The following NGEF variants were observed in gnomAD, a reference collection of about 807,000 sequenced individuals.
NGEF encodes the protein neuronal guanine nucleotide exchange factor.
NGEF carries 31 observed loss-of-function variants against 80.9 expected under a neutral mutation model. The observed-to-expected ratio is 0.38, with a 90% CI of 0.29 to 0.52. NGEF has a LOEUF of 0.52. Among genes scored for constraint, NGEF ranks in the 20% least tolerant of loss-of-function variants. The pLI is 0.84. For missense variants in NGEF, 709 were observed against 926.2 expected (o/e 0.77, Z 3.04); for synonymous variants, 371 against 370.2 (o/e 1.00, Z -0.03).
chr2:233,003,234 G>T (rs1407307958), intron 1 of NGEF, among the ~76,000 whole-genome samples: 1 of 152,190 alleles, frequency 6.6e-6, no homozygotes, highest in African/African-American at 2.4e-5. Flanking sequence ...CCCAAGGAAG[G>T]CCTCTGGGAC....
At chr2:233,001,490 AG>A (rs1403881496) in intron 1 of NGEF, among the ~76,000 whole-genome samples, 2 of 152,142 alleles carry the variant, frequency 1.3e-5, no homozygotes, top group Non-Finnish European at 2.9e-5. Context: ...GGAGGGATTC[AG>A]GCATGTAGAG....
intron 8 of NGEF, among the ~76,000 whole-genome samples, chr2:232,888,336 TGATGCACAC>T (rs1434740915): frequency 6.6e-6 from 1 of 150,674 alleles, no homozygotes; most frequent in Non-Finnish European, 1.5e-5. Context: ...ACCATGCACA[TGATGCACAC>T]CTGCAAGCAG....
In NGEF at chr2:232,879,412, T is replaced by G; in HGVS notation, c.*77A>C. On this transcript the variant is annotated 3_prime_UTR_variant, in exon 15 of 15. Coordinates refer to ENST00000264051, the MANE Select transcript of NGEF (RefSeq NM_019850.3). ...CACCTGGGGAGGTGCTGGCCTGTGC[T>G]TCCCAGAGCCCCCCCCCCCCCACCT... The G allele has an allele frequency of 7.1e-7, 1 of 1,404,574 alleles. No homozygotes were observed. Among genetic ancestry groups the G allele is most frequent in the Non-Finnish European group, 9.5e-7 (1 of 1,051,724 alleles). The allele number at this position is 1,404,574 out of a possible 1,614,324, so 87.0% of individuals were successfully genotyped here.
Position 232,923,101 on chromosome 2 carries a change from A to G in NGEF, c.527-2516T>C, listed in dbSNP as rs139252486. On this transcript the variant is annotated intron_variant, in intron 4 of 14. Transcript: ENST00000264051. ...AAAAAACAAAAAACAAACAACAACA[A>G]CAACAACAAAAAAGCAGTTTCCAAG... is the stretch of plus-strand genomic sequence containing the variant. Among the ~76,000 whole-genome samples, 1,247 of 152,160 alleles carry G rather than the reference A, an allele frequency of 8.2e-3. 29 individuals are homozygous for G. The highest frequency in any genetic ancestry group is 0.05 in the Admixed American group (771 of 15,296).
At chr2:232,926,926 A>C in intron 4 of NGEF, 118 bp downstream of exon 4, 1 of 1,318,626 alleles carries the variant, frequency 7.6e-7, no homozygotes, top group Non-Finnish European at 1.1e-6. Context: ...TTCCTTACCC[A>C]TGTCAGACGC....
intron 5 of NGEF, among the ~76,000 whole-genome samples, chr2:232,898,673 T>C (rs1045879535): frequency 7.2e-5 from 11 of 152,246 alleles, no homozygotes; most frequent in African/African-American, 2.7e-4. Context: ...CATTCACTCG[T>C]TCGTTCCTTC....
intron 5 of NGEF, among the ~76,000 whole-genome samples, chr2:232,913,433 T>A (rs1279695748): frequency 6.6e-6 from 1 of 152,202 alleles, no homozygotes; most frequent in Non-Finnish European, 1.5e-5. Context: ...TTGAAAACAA[T>A]GTGTAATCTG....
chr2:232,944,366 A>G (rs957165525), intron 3 of NGEF, among the ~76,000 whole-genome samples: 1 of 152,216 alleles, frequency 6.6e-6, no homozygotes, highest in African/African-American at 2.4e-5. Context: ...GCACAAGGTT[A>G]TTCATTGTGG....
intron 1 of NGEF, among the ~76,000 whole-genome samples, chr2:232,983,230 T>G (rs1230487791): frequency 1.3e-5 from 2 of 150,448 alleles, no homozygotes; most frequent in Admixed American, 1.3e-4. Context: ...AAGGGAAACT[T>G]GGAGCAAGGC....
chr2:232,964,379 A>C (rs1262775785), intron 3 of NGEF, among the ~76,000 whole-genome samples: 2 of 152,188 alleles, frequency 1.3e-5, no homozygotes, highest in Non-Finnish European at 2.9e-5. Flanking sequence ...AAATTGTGGC[A>C]ATACCTCTCA....
At chr2:232,896,998 G>A (rs866890996) in intron 5 of NGEF, among the ~76,000 whole-genome samples, 11 of 127,922 alleles carry the variant, frequency 8.6e-5, no homozygotes, top group South Asian at 5.4e-4. Flanking sequence ...AGGTAGGGGT[G>A]CGGGTGAGGG....
intron 1 of NGEF, among the ~76,000 whole-genome samples, chr2:233,005,177 T>A (rs1157287715): frequency 6.6e-6 from 1 of 152,190 alleles, no homozygotes; most frequent in Non-Finnish European, 1.5e-5. Context: ...CAATGTGCCA[T>A]TTCTGGGATA....
intron 1 of NGEF, among the ~76,000 whole-genome samples, chr2:232,988,587 A>G (rs1170731827): frequency 6.6e-6 from 1 of 152,168 alleles, no homozygotes; most frequent in African/African-American, 2.4e-5. Flanking sequence ...AAAATAGCAA[A>G]TACGCTTTGA....
chr2:232,899,730 G>A lies in NGEF; in HGVS notation c.829-4814C>T, dbSNP rs185992152. Among the ~76,000 whole-genome samples, 1,109 of 126,940 alleles carry A rather than the reference G, an allele frequency of 8.7e-3. 33 individuals are homozygous for A. Among genetic ancestry groups the A allele is most frequent in the Middle Eastern group, 0.045 (8 of 176 alleles). 83.3% of individuals were successfully genotyped at this position (126,940 alleles called of 152,430 possible). A position where few individuals can be genotyped will look rare whatever the true frequency, so the allele number is the denominator to read the frequency against. ...CACGCTCTCAGTCACTCATATACACGTTCACTCACATTCACTTACACACGT... is the reference window on the plus strand; with the variant it reads ...CACGCTCTCAGTCACTCATATACACATTCACTCACATTCACTTACACACGT... On this transcript the variant is annotated intron_variant, in intron 5 of 14. Transcript: ENST00000264051.
intron 5 of NGEF, among the ~76,000 whole-genome samples, chr2:232,908,130 CAAAT>C (rs750658159): frequency 5.9e-5 from 9 of 152,216 alleles, no homozygotes; most frequent in East Asian, 3.9e-4. Flanking sequence ...AAAAATAAAA[CAAAT>C]AAAATGTTTG....
At chr2:232,928,346 G>A (rs1574617830) in intron 3 of NGEF, among the ~76,000 whole-genome samples, 1 of 150,910 alleles carries the variant, frequency 6.6e-6, no homozygotes, top group Non-Finnish European at 1.5e-5. Context: ...CCCCCGCGCC[G>A]CCGTGCCCCG....
chr2:232,883,196 C>T, intron 12 of NGEF, 115 bp downstream of exon 12: 1 of 1,309,186 alleles, frequency 7.6e-7, no homozygotes, highest in Non-Finnish European at 1.0e-6. Context: ...GGCAGGTCGG[C>T]TCCACACAGA....
chr2:233,000,307 G>C lies in NGEF; in HGVS notation c.-75+12761C>G, dbSNP rs1280753403. 2.0e-5 allele frequency among the ~76,000 whole-genome samples: 3 copies of C among 152,138 alleles called. No individual in the cohort carries two copies. The South Asian group carries it at 6.2e-4, about 31-fold the overall frequency. ...GAGATGGGGTTTTGCCATGTTGCCA[G>C]GCTGATCTTGAACTCCTGGGCTCAA... On this transcript the variant is annotated intron_variant, in intron 1 of 14. Coordinates refer to ENST00000264051, the MANE Select transcript of NGEF (RefSeq NM_019850.3).
chr2:232,987,165 T>C (rs1168203744), intron 1 of NGEF, among the ~76,000 whole-genome samples: 1 of 152,032 alleles, frequency 6.6e-6, no homozygotes, highest in Non-Finnish European at 1.5e-5. Flanking sequence ...TACAGGCACG[T>C]GCCGCCACGC....
Sources: allele counts gnomAD v4.1 joint callset (sites outside exome capture counted in the v4.1 genomes callset), GRCh38; gene constraint gnomAD v4.1.1; transcripts MANE v1.5; gene names NCBI Gene and HGNC (gene_info 2026-07-23, HGNC 2026-07-21).